Variants in MARCHF6 observed in about 807,000 individuals in gnomAD.
MARCHF6 encodes the protein E3 ubiquitin-protein ligase MARCHF6.
MARCHF6 carries 31 observed loss-of-function variants against 133.7 expected under a neutral mutation model. The observed-to-expected ratio is 0.23, with a 90% CI of 0.17 to 0.31. The LOEUF (loss-of-function observed/expected upper bound fraction) is 0.31, where lower values mean the gene tolerates loss of function less well. Ranked by LOEUF, MARCHF6 falls within the 10% of genes least tolerant of loss-of-function variation. The pLI is 1.00. For missense variants in MARCHF6, 723 were observed against 1,121.6 expected, an observed-to-expected ratio of 0.64 and a Z score of 5.08; for synonymous variants, 395 against 402.5, an observed-to-expected ratio of 0.98 and a Z score of 0.22.
At chr5:10,393,021 G>A (rs374995254) in intron 7 of MARCHF6, among the ~76,000 whole-genome samples, 6 of 152,228 alleles carry the variant, frequency 3.9e-5, no homozygotes, top group African/African-American at 1.2e-4. Flanking sequence ...AGTGTTGTGC[G>A]GGTTGCTCTG....
chr5:10,429,699 C>T (rs1218163706), intron 24 of MARCHF6, among the ~76,000 whole-genome samples, 194 bp from the exon 25 acceptor site: 3 of 152,176 alleles, frequency 2.0e-5, no homozygotes, highest in African/African-American at 7.2e-5. Context: ...CTATGCCTGG[C>T]CTCCTTGTTT....
chr5:10,389,026 A>G (rs1185700402), intron 5 of MARCHF6, among the ~76,000 whole-genome samples: 1 of 152,080 alleles, frequency 6.6e-6, no homozygotes, highest in Non-Finnish European at 1.5e-5. Context: ...TGCAGACTAT[A>G]TTTTCCTAGA....
chr5:10,423,173 G>T (rs1381516538), intron 22 of MARCHF6, among the ~76,000 whole-genome samples: 1 of 150,366 alleles, frequency 6.7e-6, no homozygotes, highest in East Asian at 2.0e-4. Flanking sequence ...GGTGGGGAAG[G>T]GGGCTGTGGG....
intron 23 of MARCHF6, 132 bp downstream of exon 23, chr5:10,423,956 C>CTT (rs79459465): frequency 6.8e-4 from 274 of 402,666 alleles, no homozygotes; most frequent in South Asian, 1.7e-3. Flanking sequence ...CATATATAAC[C>CTT]TTTTTTTTTT....
chr5:10,373,117 T>C (rs1736564070), intron 1 of MARCHF6, among the ~76,000 whole-genome samples: 1 of 151,770 alleles, frequency 6.6e-6, no homozygotes, highest in Admixed American at 6.6e-5. Flanking sequence ...GTTACTAGGA[T>C]AGTAGTTGTG....
At chr5:10,410,374 A>G (rs765975974) in intron 18 of MARCHF6, 98 bp downstream of exon 18, 105 of 1,377,208 alleles carry the variant, frequency 7.6e-5, no homozygotes, top group Non-Finnish European at 9.6e-5. Flanking sequence ...CTCAAGAAAA[A>G]TTAGTTTTAA....
intron 6 of MARCHF6, among the ~76,000 whole-genome samples, chr5:10,391,118 T>A (rs1296276804): frequency 1.3e-5 from 2 of 152,204 alleles, no homozygotes; most frequent in African/African-American, 4.8e-5. Flanking sequence ...AGTTTATATT[T>A]GTTTTCTAGT....
intron 7 of MARCHF6, among the ~76,000 whole-genome samples, chr5:10,393,727 A>G (rs563202298): frequency 6.6e-6 from 1 of 152,262 alleles, no homozygotes; most frequent in African/African-American, 2.4e-5. Flanking sequence ...TCTACTACCC[A>G]TATCATTAGT....
At position 10,391,920 on chromosome 5, in the gene MARCHF6, CAG is replaced by C. The variant is rs111828372; in HGVS notation, c.766+190_766+191del. On this transcript the variant is annotated intron_variant, in intron 7 of 25. Coordinates refer to ENST00000274140, the MANE Select transcript of MARCHF6 (RefSeq NM_005885.4). ...CATAAATATGTTTTTTTCTATGAAA[CAG>C]GGCATGTTTTGTGTTTTAAAATCCT... Among the ~76,000 whole-genome samples, 818 of 150,624 alleles carry C rather than the reference CAG, an allele frequency of 5.4e-3. 3 individuals are homozygous for C. The highest frequency in any genetic ancestry group is 0.019 in the African/African-American group (791 of 41,144).
chr5:10,402,460 C>G lies in MARCHF6; in HGVS notation c.1122+8C>G, dbSNP rs1738600764. ...TGCTATATTGTTGTTAAGGTAATTC[C>G]TGTTATAACTTAAAATTGGAAATGA... On this transcript the variant is annotated splice_region_variant and intron_variant, in intron 13 of 25. Transcript: ENST00000274140. 6.2e-7 allele frequency: 1 copy of G among 1,613,408 alleles called. No homozygotes were observed. Among genetic ancestry groups the G allele is most frequent in the African/African-American group, 1.3e-5 (1 of 74,810 alleles).
At chr5:10,402,274 C>A in intron 12 of MARCHF6, 110 bp from the exon 13 acceptor site, 1 of 1,194,062 alleles carries the variant, frequency 8.4e-7, no homozygotes, top group Non-Finnish European at 1.2e-6. Context: ...TCAGTGTGGA[C>A]AAAATGTGAA....
intron 18 of MARCHF6, among the ~76,000 whole-genome samples, chr5:10,410,496 T>G (rs975805953): frequency 6.6e-6 from 1 of 152,164 alleles, no homozygotes; most frequent in South Asian, 2.1e-4. Context: ...TGCCCTCTTA[T>G]AGAAGTTTGC....
At chr5:10,415,936 G>A (rs1168830982) in intron 21 of MARCHF6, among the ~76,000 whole-genome samples, 1 of 152,242 alleles carries the variant, frequency 6.6e-6, no homozygotes, top group Non-Finnish European at 1.5e-5. Flanking sequence ...ACTATGGGAA[G>A]CTAAGGCAGG....
At chr5:10,407,676 A>G (rs978656990) in intron 17 of MARCHF6, among the ~76,000 whole-genome samples, 1 of 152,200 alleles carries the variant, frequency 6.6e-6, no homozygotes, top group Non-Finnish European at 1.5e-5. Context: ...GGCTAAGGCC[A>G]GGCGTGGTGG....
At chr5:10,416,026 A>G (rs1454595575) in intron 21 of MARCHF6, among the ~76,000 whole-genome samples, 2 of 152,208 alleles carry the variant, frequency 1.3e-5, no homozygotes. Flanking sequence ...AAGTATATGT[A>G]TATAATATAT....
intron 1 of MARCHF6, among the ~76,000 whole-genome samples, chr5:10,359,822 T>C (rs1735703696): frequency 6.6e-6 from 1 of 152,088 alleles, no homozygotes. Flanking sequence ...CTGGACAACA[T>C]GGCGAAACCC....
chr5:10,417,752 A>T (rs1196321768), intron 22 of MARCHF6, among the ~76,000 whole-genome samples: 1 of 151,782 alleles, frequency 6.6e-6, no homozygotes, highest in Admixed American at 6.6e-5. Context: ...AAAAGGAAAA[A>T]AATATAATTT....
At chr5:10,363,429 C>T (rs1735946008) in intron 1 of MARCHF6, among the ~76,000 whole-genome samples, 1 of 152,166 alleles carries the variant, frequency 6.6e-6, no homozygotes, top group South Asian at 2.1e-4. Context: ...CATCATTAGT[C>T]AAAACCATAA....
intron 19 of MARCHF6, chr5:10,413,351 T>C (rs1739336411): frequency 6.6e-6 from 1 of 152,238 alleles, no homozygotes; most frequent in Admixed American, 6.5e-5. Context: ...TTTCACACAG[T>C]TACAGCTGAC....
Sources: gnomAD v4.1 joint callset for allele counts (sites outside exome capture counted in the v4.1 genomes callset) on GRCh38, gnomAD v4.1.1 for gene constraint, MANE v1.5 for transcripts, NCBI Gene and HGNC (gene_info 2026-07-23, HGNC 2026-07-21) for gene names.